GABRA6: variants seen among roughly 807,000 people sequenced by gnomAD.
GABRA6 encodes the protein gamma-aminobutyric acid receptor subunit alpha-6.
A neutral mutation model predicts 47.3 loss-of-function variants in GABRA6; 45 were observed. The observed-to-expected ratio is 0.95, with a 90% CI of 0.75 to 1.22. The LOEUF (loss-of-function observed/expected upper bound fraction) is 1.22, where lower values mean the gene tolerates loss of function less well. GABRA6 is among the 50% of genes most tolerant of loss of function. The pLI, the probability that GABRA6 is intolerant of heterozygous loss-of-function variation, is 0.00. For synonymous variants in GABRA6, 219 were observed against 194.7 expected, an observed-to-expected ratio of 1.12 and a Z score of -1.04; for missense variants, 583 against 549.3, an observed-to-expected ratio of 1.06 and a Z score of -0.61.
At chr5:161,689,967 ATAAG>A in intron 6 of GABRA6, 188 bp downstream of exon 6, 1 of 693,242 alleles carries the variant, frequency 1.4e-6, no homozygotes, top group East Asian at 2.7e-5. Flanking sequence ...TAATCTTGGA[ATAAG>A]TAGTTTTTTT....
intron 7 of GABRA6, among the ~76,000 whole-genome samples, chr5:161,690,627 A>T (rs985641338): frequency 3.9e-5 from 6 of 152,126 alleles, no homozygotes; most frequent in African/African-American, 1.4e-4. Context: ...TTTCTTTGTC[A>T]TAACTGAGGA....
chr5:161,688,028 TACA>T (rs1264265291), intron 3 of GABRA6, among the ~76,000 whole-genome samples: 7 of 152,170 alleles, frequency 4.6e-5, no homozygotes, highest in Non-Finnish European at 4.4e-5. Flanking sequence ...TATAAACAAC[TACA>T]ACAATTTGCT....
chr5:161,686,068 G>A, intron 1 of GABRA6, 41 bp downstream of exon 1: 1 of 1,592,934 alleles, frequency 6.3e-7, no homozygotes, highest in Non-Finnish European at 8.6e-7. Context: ...TTTTATCTCA[G>A]AGGAAAGGAA....
intron 8 of GABRA6, 127 bp from the exon 9 acceptor site, chr5:161,701,371 G>C: frequency 1.0e-6 from 1 of 989,706 alleles, no homozygotes. Context: ...AGAATTCATT[G>C]ATGTTTGACC....
Position 161,685,804 on chromosome 5 carries a change from G to A in GABRA6, c.-186G>A. On this transcript the variant is annotated 5_prime_UTR_variant, in exon 1 of 9. Coordinates refer to ENST00000274545, the MANE Select transcript of GABRA6 (RefSeq NM_000811.3). ...CACGTGAGAAGGAAACAAGAAAGAAGGGAGCCAGGGGAATCCTGCAAATTT... is the reference window on the plus strand; with the variant it reads ...CACGTGAGAAGGAAACAAGAAAGAAAGGAGCCAGGGGAATCCTGCAAATTT... The A allele has an allele frequency of 1.6e-6, 1 of 639,162 alleles. No individual in the cohort carries two copies. Among genetic ancestry groups the A allele is most frequent in the Admixed American group, 2.5e-5 (1 of 39,492 alleles). 39.6% of individuals were successfully genotyped at this position (639,162 alleles called of 1,614,324 possible).
chr5:161,690,250 C>T lies in GABRA6; in HGVS notation c.723C>T (p.Gly241=). The change falls in exon 7 of 9, where the codon GGC becomes GGT. Residue 241 remains glycine, a synonymous_variant. Transcript: ENST00000274545. ...ACTTCCACTTGCAAAGGAAGATGGG[C>T]TACTTCATGATACAGATATACACTC... ...TVYFHLQRKM[G]YFMIQIYTPC... 6.2e-7 allele frequency: 1 copy of T among 1,613,422 alleles called. No homozygotes were observed. The highest frequency in any genetic ancestry group is 8.5e-7 in the Non-Finnish European group (1 of 1,179,466).
In GABRA6 at chr5:161,689,055, T is replaced by A; in HGVS notation, c.332T>A (p.Ile111Asn). 6.2e-7 allele frequency: 1 copy of A among 1,614,040 alleles called. No homozygotes were observed. Among genetic ancestry groups the A allele is most frequent in the East Asian group, 2.2e-5 (1 of 44,866 alleles). The change falls in exon 4 of 9, where the codon ATC becomes AAC. Residue 111 changes from isoleucine to asparagine, a missense_variant. Physicochemically the swap from Ile to Asn is moderately radical, Grantham distance 149. Transcript: ENST00000274545. The part of the protein sequence containing the change: ...LSLNNLMVSK[I>N]WTPDTFFRNG... ...CTGAATAATTTGATGGTCAGTAAAA[T>A]CTGGACGCCTGACACCTTTTTCAGA...
rs752671384 is a variant in GABRA6, at chr5:161,689,621, G to A, written c.530-15G>A. The A allele has an allele frequency of 2.1e-5, 34 of 1,599,090 alleles. 2 individuals carry two copies. In the South Asian group the frequency reaches 3.8e-4, roughly 18 times the overall value. On this transcript the variant is annotated splice_polypyrimidine_tract_variant and intron_variant, in intron 5 of 8. Transcript: ENST00000274545. ...TCAAATTCACTGCTATATTTAATTT[G>A]TTTCAAATATTTAGATGCTTATCCC... is the stretch of plus-strand genomic sequence containing the variant.
At chr5:161,695,832 C>T (rs1477086015) in intron 8 of GABRA6, among the ~76,000 whole-genome samples, 1 of 151,838 alleles carries the variant, frequency 6.6e-6, no homozygotes, top group Non-Finnish European at 1.5e-5. Flanking sequence ...CCATCTGGCA[C>T]CTATTTATTG....
In GABRA6 at chr5:161,685,843, TTATC is replaced by T. The variant is rs200114775; in HGVS notation, c.-143_-140del. ...TCCTGCAAATTTTTAGGCAACCTCT[TTATC>T]TATTGGATTACTGACTTGAGGCAAA... On this transcript the variant is annotated 5_prime_UTR_variant, in exon 1 of 9. Coordinates refer to ENST00000274545, the MANE Select transcript of GABRA6 (RefSeq NM_000811.3). The T allele has an allele frequency of 3.4e-5, 25 of 735,976 alleles. No homozygotes were observed. The East Asian group carries it at 4.4e-4, about 13-fold the overall frequency. The allele number at this position is 735,976 out of a possible 1,614,324, so 45.6% of individuals were successfully genotyped here.
chr5:161,701,447 A>G, intron 8 of GABRA6, 51 bp from the exon 9 acceptor site: 1 of 1,581,574 alleles, frequency 6.3e-7, no homozygotes, highest in Non-Finnish European at 8.7e-7. Flanking sequence ...ATAAGCAATT[A>G]AGCAATATCT....
chr5:161,687,099 C>G (rs1222868194), intron 3 of GABRA6, 96 bp downstream of exon 3: 4 of 971,452 alleles, frequency 4.1e-6, no homozygotes, highest in Non-Finnish European at 5.0e-6. Flanking sequence ...AAGCTTGGCT[C>G]CAGATTCATG....
Position 161,690,299 on chromosome 5 carries a change from T to A in GABRA6, c.772T>A (p.Ser258Thr). ...TCCTTGCATTATGACAGTCATTCTT[T>A]CCCAGGTGTCTTTCTGGATTAATAA... is the stretch of plus-strand genomic sequence containing the variant. ...YTPCIMTVIL[S>T]QVSFWINKES... Residue 258 changes from serine (S) to threonine (T), a missense_variant, in exon 7 of 9, where the codon TCC becomes ACC. By Grantham distance (58) the Ser-to-Thr change is moderately conservative. Coordinates refer to ENST00000274545, the MANE Select transcript of GABRA6 (RefSeq NM_000811.3). The A allele has an allele frequency of 1.2e-6, 2 of 1,613,710 alleles. No individual in the cohort carries two copies. Among genetic ancestry groups the A allele is most frequent in the Non-Finnish European group, 1.7e-6 (2 of 1,179,700 alleles).
Position 161,693,731 on chromosome 5 carries a change from T to C in GABRA6, c.1086+1531T>C, listed in dbSNP as rs1234239357. 6.6e-4 allele frequency among the ~76,000 whole-genome samples: 101 copies of C among 152,294 alleles called. 1 individual carries two copies. The highest frequency in any genetic ancestry group is 2.4e-4 in the Non-Finnish European group (16 of 68,022). ...TATTCAGGGAACTGAGGCAAGAAGA[T>C]TGCTTGCATGCAGGATTTTGAAGTT... On this transcript the variant is annotated intron_variant, in intron 8 of 8. Transcript: ENST00000274545.
intron 7 of GABRA6, 102 bp downstream of exon 7, chr5:161,690,455 A>G: frequency 2.6e-6 from 3 of 1,156,048 alleles, no homozygotes; most frequent in Non-Finnish European, 3.9e-6. Flanking sequence ...TCAATCCACA[A>G]AGAAAATAGG....
chr5:161,690,465 G>A (rs766946564), intron 7 of GABRA6, 112 bp downstream of exon 7: 297 of 1,090,258 alleles, frequency 2.7e-4, no homozygotes, highest in Non-Finnish European at 3.6e-4. Flanking sequence ...AAGAAAATAG[G>A]TTCCTGTCTC....
chr5:161,700,005 C>T (rs902300180), intron 8 of GABRA6, among the ~76,000 whole-genome samples: 2 of 152,166 alleles, frequency 1.3e-5, no homozygotes, highest in African/African-American at 4.8e-5. Context: ...CACATTTCTC[C>T]ATGGCCCCTA....
chr5:161,694,299 T>C (rs1310640945), intron 8 of GABRA6, among the ~76,000 whole-genome samples: 2 of 144,584 alleles, frequency 1.4e-5, no homozygotes, highest in African/African-American at 2.5e-5. Flanking sequence ...TTGAGTAAAG[T>C]AGTAAGAGTG....
intron 3 of GABRA6, among the ~76,000 whole-genome samples, chr5:161,687,917 T>A (rs1293464685): frequency 6.6e-6 from 1 of 151,262 alleles, no homozygotes; most frequent in Non-Finnish European, 1.5e-5. Context: ...ATTCAAGAGA[T>A]AATTATCTTA....
Sources: allele counts gnomAD v4.1 joint callset (sites outside exome capture counted in the v4.1 genomes callset), GRCh38; gene constraint gnomAD v4.1.1; transcripts MANE v1.5; gene names NCBI Gene and HGNC (gene_info 2026-07-23, HGNC 2026-07-21).